BICC1: variants seen among roughly 807,000 people sequenced by gnomAD.
The protein encoded by BICC1 is protein bicaudal C homolog 1.
BICC1 carries 43 observed loss-of-function variants against 111.0 expected under a neutral mutation model. The observed-to-expected ratio is 0.39, with a 90% CI of 0.30 to 0.50. The LOEUF is 0.50. Ranked by LOEUF, BICC1 falls within the 20% of genes least tolerant of loss-of-function variation. The pLI is 0.88. For missense variants in BICC1, 1,091 were observed against 1,203.2 expected, an observed-to-expected ratio of 0.91 and a Z score of 1.38; for synonymous variants, 467 against 434.4, an observed-to-expected ratio of 1.07 and a Z score of -0.93.
chr10:58,783,252 C>A (rs926112720), intron 3 of BICC1, among the ~76,000 whole-genome samples: 1 of 152,118 alleles, frequency 6.6e-6, no homozygotes, highest in Non-Finnish European at 1.5e-5. Flanking sequence ...AGCTGCTGGA[C>A]ATCTCCCCAG....
At chr10:58,802,578 A>G (rs930833610) in intron 14 of BICC1, among the ~76,000 whole-genome samples, 4 of 152,272 alleles carry the variant, frequency 2.6e-5, no homozygotes, top group Non-Finnish European at 4.4e-5. Context: ...TATCTGCTAC[A>G]TTTTATTTGT....
Position 58,779,096 on chromosome 10 carries a change from T to TA in BICC1, c.308-5899dup, listed in dbSNP as rs578185803. ...ATTTGGCCCATGTACAGTTTTTGTT[T>TA]AAAAAAGAAAGTCAATTTCTTAAGA... On this transcript the variant is annotated intron_variant, in intron 3 of 20. Transcript: ENST00000373886. Among the ~76,000 whole-genome samples the TA allele has an allele frequency of 3.7e-3, 570 of 152,306 alleles. 5 individuals carry two copies. Among genetic ancestry groups the TA allele is most frequent in the African/African-American group, 0.013 (537 of 41,564 alleles).
chr10:58,702,654 G>A (rs1009127551), intron 3 of BICC1, among the ~76,000 whole-genome samples: 28 of 152,032 alleles, frequency 1.8e-4, no homozygotes, highest in Non-Finnish European at 2.9e-5. Context: ...TACCCTATGG[G>A]ACACTACCCA....
intron 1 of BICC1, among the ~76,000 whole-genome samples, chr10:58,618,682 A>G (rs1352139744): frequency 6.6e-6 from 1 of 152,150 alleles, no homozygotes; most frequent in Non-Finnish European, 1.5e-5. Context: ...AGTTCATCCT[A>G]TTGATGATGT....
chr10:58,728,619 C>T lies in BICC1; in HGVS notation c.307+26476C>T, dbSNP rs1308867305. ...ATGAATGATACATAGAATAATACAT[C>T]CTTTCCAGAGGTTTTCAATTTACTT... On this transcript the variant is annotated intron_variant, in intron 3 of 20. Coordinates refer to ENST00000373886, the MANE Select transcript of BICC1 (RefSeq NM_001080512.3). Among the ~76,000 whole-genome samples the T allele has an allele frequency of 2.6e-5, 4 of 152,022 alleles. No homozygotes were observed. In the East Asian group the frequency reaches 7.7e-4, roughly 29 times the overall value.
At chr10:58,525,446 G>T (rs1245714217) in intron 1 of BICC1, among the ~76,000 whole-genome samples, 1 of 118,860 alleles carries the variant, frequency 8.4e-6, no homozygotes, top group Non-Finnish European at 1.9e-5. Flanking sequence ...ATCATTCTCA[G>T]CAAACTATCG....
intron 2 of BICC1, among the ~76,000 whole-genome samples, chr10:58,623,797 C>A (rs1347260407): frequency 6.6e-6 from 1 of 152,098 alleles, no homozygotes; most frequent in Admixed American, 6.6e-5. Context: ...AACGCCCAGG[C>A]CTGAATGTGG....
intron 3 of BICC1, among the ~76,000 whole-genome samples, chr10:58,722,227 G>A (rs115925182): frequency 0.019 from 2,906 of 152,280 alleles, 98 homozygotes; most frequent in African/African-American, 0.067. Context: ...GAACAGATGC[G>A]TCACTGAAAA....
chr10:58,675,963 A>G (rs1434620787), intron 2 of BICC1, among the ~76,000 whole-genome samples: 1 of 152,180 alleles, frequency 6.6e-6, no homozygotes, highest in Non-Finnish European at 1.5e-5. Context: ...CTGGTTAGAC[A>G]GTGGGTGCAG....
At chr10:58,632,010 C>T (rs556553189) in intron 2 of BICC1, among the ~76,000 whole-genome samples, 4 of 152,144 alleles carry the variant, frequency 2.6e-5, no homozygotes, top group Middle Eastern at 3.4e-3. Context: ...CTTTTCTTGG[C>T]TTCAGTCAGT....
intron 2 of BICC1, among the ~76,000 whole-genome samples, chr10:58,624,422 T>C (rs1190861300): frequency 3.3e-5 from 5 of 152,188 alleles, no homozygotes; most frequent in African/African-American, 9.7e-5. Flanking sequence ...AGACTGTAGA[T>C]GTTATTTGTC....
intron 2 of BICC1, among the ~76,000 whole-genome samples, chr10:58,661,587 G>C (rs78789318): frequency 0.016 from 2,482 of 152,134 alleles, 80 homozygotes; most frequent in African/African-American, 0.057. Context: ...ACAATGTTTA[G>C]GTTTAAACAA....
At chr10:58,822,006 A>C (rs1005385247) in intron 20 of BICC1, among the ~76,000 whole-genome samples, 4 of 152,172 alleles carry the variant, frequency 2.6e-5, no homozygotes, top group Non-Finnish European at 5.9e-5. Context: ...ATGATAATAG[A>C]GTAATTTTTA....
rs549989928 is a variant in BICC1, at chr10:58,554,070, A to G, written c.190+40737A>G. 3.9e-5 allele frequency among the ~76,000 whole-genome samples: 6 copies of G among 152,296 alleles called. No homozygotes were observed. The East Asian group carries it at 1.2e-3, about 29-fold the overall frequency. On this transcript the variant is annotated intron_variant, in intron 1 of 20. Coordinates refer to ENST00000373886, the MANE Select transcript of BICC1 (RefSeq NM_001080512.3). ...TTTTGTTATGTTTATTTTAAATGAT[A>G]TTGAAAATGAATTACATTTTCTCAA...
At chr10:58,692,461 A>C (rs1309182936) in intron 2 of BICC1, among the ~76,000 whole-genome samples, 5 of 152,218 alleles carry the variant, frequency 3.3e-5, no homozygotes, top group African/African-American at 1.2e-4. Flanking sequence ...GGGAACATTA[A>C]TTGATCTACA....
chr10:58,628,163 CAAT>C (rs1386491522), intron 2 of BICC1, among the ~76,000 whole-genome samples: 3 of 152,136 alleles, frequency 2.0e-5, no homozygotes, highest in Non-Finnish European at 2.9e-5. Flanking sequence ...TACTTTCCTA[CAAT>C]GGACCTCCAT....
intron 1 of BICC1, among the ~76,000 whole-genome samples, chr10:58,558,437 T>C (rs1843515946): frequency 6.6e-6 from 1 of 152,164 alleles, no homozygotes; most frequent in Admixed American, 6.6e-5. Context: ...CTGTAAGTTC[T>C]CCTGGCAATA....
intron 18 of BICC1, 89 bp from the exon 19 acceptor site, chr10:58,817,473 T>A (rs1394502954): frequency 2.1e-6 from 3 of 1,410,468 alleles, no homozygotes; most frequent in Non-Finnish European, 3.0e-6. Context: ...ACAATGGAAG[T>A]TGAAATATTT....
In BICC1 at chr10:58,702,100, T is replaced by C; in HGVS notation, c.264T>C (p.Ile88=). ...QKIMEETNTQ[I]AWPSKLKIGA... Reference sequence around the variant, plus strand: ...TCATGGAGGAAACAAATACGCAGATTGCTTGGCCATCAAAACTGAAGATCG... The same window carrying C: ...TCATGGAGGAAACAAATACGCAGATCGCTTGGCCATCAAAACTGAAGATCG... Residue 88 remains isoleucine (I), a synonymous_variant, in exon 3 of 21, where the codon ATT becomes ATC. Transcript: ENST00000373886. 6.2e-7 allele frequency: 1 copy of C among 1,613,460 alleles called. No individual in the cohort carries two copies. The highest frequency in any genetic ancestry group is 8.5e-7 in the Non-Finnish European group (1 of 1,179,674).
Sources: allele counts gnomAD v4.1 joint callset (sites outside exome capture counted in the v4.1 genomes callset), GRCh38; gene constraint gnomAD v4.1.1; transcripts MANE v1.5; gene names NCBI Gene and HGNC (gene_info 2026-07-23, HGNC 2026-07-21).